The following TSPAN15 variants were observed in gnomAD, a reference collection of about 807,000 sequenced individuals.
TSPAN15 encodes the protein tetraspanin 15, also known as tetraspanin-15.
Under a neutral mutation model 34.5 loss-of-function variants are expected in TSPAN15, and 20 were observed. The observed-to-expected ratio is 0.58, with a 90% confidence interval of 0.41 to 0.84. The LOEUF is 0.84. TSPAN15 is among the 40% of genes least tolerant of loss of function. TSPAN15 has a pLI of 0.00. For synonymous variants in TSPAN15, 155 were observed against 153.9 expected, an observed-to-expected ratio of 1.01 and a Z score of -0.05; for missense variants, 313 against 386.1, an observed-to-expected ratio of 0.81 and a Z score of 1.59.
intron 1 of TSPAN15, among the ~76,000 whole-genome samples, chr10:69,459,152 A>G (rs1230115292): frequency 6.7e-6 from 1 of 150,164 alleles, no homozygotes; most frequent in Admixed American, 6.6e-5. Context: ...TTTCCCAGAG[A>G]GAACTTTTAG....
chr10:69,544,981 A>G, the TSPAN15 span, among the ~76,000 whole-genome samples: 1 of 152,102 alleles, frequency 6.6e-6, no homozygotes, highest in Non-Finnish European at 1.5e-5. Flanking sequence ...CAGCCGACTG[A>G]ACTCCCTAGC....
At chr10:69,523,418 A>G in the TSPAN15 span, 26 of 575,352 alleles carry the variant, frequency 4.5e-5, 2 homozygotes, top group African/African-American at 4.7e-4. Context: ...CTGGTGAAGA[A>G]TAAGGTCATT....
At chr10:69,519,531 G>A in the TSPAN15 span, among the ~76,000 whole-genome samples, 4 of 152,148 alleles carry the variant, frequency 2.6e-5, no homozygotes, top group East Asian at 3.9e-4. Flanking sequence ...AAGGAAATGC[G>A]CCTGTGGATC....
intron 1 of TSPAN15, among the ~76,000 whole-genome samples, chr10:69,481,926 G>A (rs996663143): frequency 1.3e-5 from 2 of 152,166 alleles, no homozygotes; most frequent in African/African-American, 4.8e-5. Flanking sequence ...CTATTGGAAA[G>A]CCCAGGTCTT....
At chr10:69,474,495 AG>A (rs1252160078) in intron 1 of TSPAN15, among the ~76,000 whole-genome samples, 1 of 152,122 alleles carries the variant, frequency 6.6e-6, no homozygotes, top group African/African-American at 2.4e-5. Context: ...CTCCTTTCAA[AG>A]GGTCTGAGAG....
chr10:69,469,741 G>T (rs1304300018), intron 1 of TSPAN15, among the ~76,000 whole-genome samples: 1 of 152,120 alleles, frequency 6.6e-6, no homozygotes, highest in East Asian at 1.9e-4. Flanking sequence ...ATGAGATTTT[G>T]CCATGTTGCC....
chr10:69,544,792 A>G, the TSPAN15 span, among the ~76,000 whole-genome samples: 4 of 152,164 alleles, frequency 2.6e-5, no homozygotes, highest in East Asian at 5.8e-4. Flanking sequence ...AAGCGTGTCC[A>G]GTCTCCCGCT....
At position 69,482,896 on chromosome 10, in the gene TSPAN15, T is replaced by G. The variant is rs373380982; in HGVS notation, c.97-795T>G. Among the ~76,000 whole-genome samples the G allele has an allele frequency of 2.6e-5, 4 of 152,216 alleles. No homozygotes were observed. The East Asian group carries it at 5.8e-4, about 22-fold the overall frequency. ...AACATCAAGTACCAGACTGAATGGCTTAAACAATAGACATTTATTTTCTCA... is the reference window on the plus strand; with the variant it reads ...AACATCAAGTACCAGACTGAATGGCGTAAACAATAGACATTTATTTTCTCA... On this transcript the variant is annotated intron_variant, in intron 1 of 7. Transcript: ENST00000373290.
At chr10:69,454,377 G>A (rs373137729) in intron 1 of TSPAN15, among the ~76,000 whole-genome samples, 1 of 152,168 alleles carries the variant, frequency 6.6e-6, no homozygotes, top group African/African-American at 2.4e-5. Context: ...AATTAGCCAG[G>A]CGTGGTGGTG....
At chr10:69,531,818 T>C in the TSPAN15 span, among the ~76,000 whole-genome samples, 1 of 151,768 alleles carries the variant, frequency 6.6e-6, no homozygotes, top group African/African-American at 2.4e-5. Context: ...CACTTTACAA[T>C]TAAAACTCAG....
At chr10:69,508,313 C>T (rs1029905763), downstream of TSPAN15, among the ~76,000 whole-genome samples, 10 of 151,662 alleles carry the variant, frequency 6.6e-5, no homozygotes, top group South Asian at 2.1e-4. Flanking sequence ...TGGTGGTGCG[C>T]GCCTGTAGTT....
the TSPAN15 span, among the ~76,000 whole-genome samples, chr10:69,516,417 C>G: frequency 3.3e-5 from 5 of 152,206 alleles, no homozygotes; most frequent in African/African-American, 1.2e-4. Flanking sequence ...AGTGCCCCAG[C>G]AGTGCCTCCA....
the TSPAN15 span, among the ~76,000 whole-genome samples, chr10:69,519,186 A>G: frequency 0.6 from 91,927 of 152,096 alleles, 28,244 homozygotes; most frequent in African/African-American, 0.68. Flanking sequence ...GGAGGCTGAG[A>G]CAGGTGGATT....
chr10:69,462,449 C>T (rs1841290247), intron 1 of TSPAN15, among the ~76,000 whole-genome samples: 1 of 152,180 alleles, frequency 6.6e-6, no homozygotes, highest in African/African-American at 2.4e-5. Context: ...ATTCTCCTGC[C>T]TCAGCCTCCT....
At chr10:69,485,484 G>A (rs767737386) in intron 3 of TSPAN15, among the ~76,000 whole-genome samples, 24 of 152,204 alleles carry the variant, frequency 1.6e-4, no homozygotes, top group Non-Finnish European at 2.8e-4. Flanking sequence ...GAGGGAAGCT[G>A]AGCAGAAATG....
intron 1 of TSPAN15, among the ~76,000 whole-genome samples, chr10:69,472,742 C>A (rs1434240563): frequency 6.6e-6 from 1 of 152,180 alleles, no homozygotes; most frequent in Non-Finnish European, 1.5e-5. Flanking sequence ...GAGCGCCTGC[C>A]GGGTCCCAGG....
chr10:69,453,301 C>A (rs1258167270), intron 1 of TSPAN15, among the ~76,000 whole-genome samples: 1 of 152,142 alleles, frequency 6.6e-6, no homozygotes, highest in African/African-American at 2.4e-5. Context: ...TTTACATAAG[C>A]TTAATTGTAG....
rs1308267846 is a variant in TSPAN15 at position 69,507,471 on chromosome 10, C to A, written c.*493C>A. On this transcript the variant is annotated 3_prime_UTR_variant, in exon 8 of 8. Coordinates refer to ENST00000373290, the MANE Select transcript of TSPAN15 (RefSeq NM_012339.5). ...TGGCCTCTTCTCAGCCTCCCAGGTGCCTTGAGCCCTCTTGCAAGGGCGGCT... is the reference window on the plus strand; with the variant it reads ...TGGCCTCTTCTCAGCCTCCCAGGTGACTTGAGCCCTCTTGCAAGGGCGGCT... 5.4e-6 allele frequency: 7 copies of A among 1,303,302 alleles called. No individual in the cohort carries two copies. The highest frequency in any genetic ancestry group is 5.5e-5 in the East Asian group (1 of 18,040). 80.7% of individuals were successfully genotyped at this position (1,303,302 alleles called of 1,614,324 possible).
the TSPAN15 span, among the ~76,000 whole-genome samples, chr10:69,525,500 A>AG: frequency 1.4e-5 from 2 of 145,514 alleles, 1 homozygote; most frequent in South Asian, 4.3e-4. Context: ...AAAAAAAAAA[A>AG]AAGAAGACTT....
Sources: gnomAD v4.1 joint callset for allele counts (sites outside exome capture counted in the v4.1 genomes callset) on GRCh38, gnomAD v4.1.1 for gene constraint, MANE v1.5 for transcripts, NCBI Gene and HGNC (gene_info 2026-07-23, HGNC 2026-07-21) for gene names.